The following KIF16B variants were observed in gnomAD, a reference collection of about 807,000 sequenced individuals.
The protein encoded by KIF16B is kinesin family member 16B, also known as kinesin-like protein KIF16B.
A neutral mutation model predicts 156.3 loss-of-function variants in KIF16B; 98 were observed. The observed-to-expected ratio is 0.63, with a 90% CI of 0.53 to 0.74. The LOEUF (loss-of-function observed/expected upper bound fraction) is 0.74. KIF16B is among the 30% of genes least tolerant of loss of function. The pLI is 0.00. For missense variants in KIF16B, 1,421 were observed against 1,606.5 expected, an observed-to-expected ratio of 0.88 and a Z score of 1.97; for synonymous variants, 564 against 583.7, an observed-to-expected ratio of 0.97 and a Z score of 0.49.
intron 17 of KIF16B, chr20:16,381,963 A>G (rs2065106857): frequency 1.2e-6 from 1 of 807,502 alleles, no homozygotes; most frequent in African/African-American, 1.7e-5. Context: ...GGCTGAAAAG[A>G]ACAGATTTTA....
intron 25 of KIF16B, among the ~76,000 whole-genome samples, chr20:16,297,916 C>T (rs747880030): frequency 6.6e-6 from 1 of 152,150 alleles, no homozygotes; most frequent in Admixed American, 6.5e-5. Context: ...CTAGTCACTG[C>T]TCTTCCTGCC....
intron 24 of KIF16B, among the ~76,000 whole-genome samples, chr20:16,328,216 G>A (rs1161486563): frequency 1.3e-5 from 2 of 152,078 alleles, no homozygotes; most frequent in African/African-American, 4.8e-5. Context: ...GTGAACAATT[G>A]CTCTAACACA....
Position 16,312,656 on chromosome 20 carries a change from A to C in KIF16B, c.3712-238T>G, listed in dbSNP as rs2063636841. ...GACAGGACAATGGGAACTCCATGGA[A>C]GAATGAATCTGATTCTCAACATTCT... On this transcript the variant is annotated intron_variant, in intron 24 of 25. Coordinates refer to ENST00000354981, the MANE Select transcript of KIF16B (RefSeq NM_024704.5). Among the ~76,000 whole-genome samples the C allele has an allele frequency of 2.0e-5, 3 of 152,230 alleles. No homozygotes were observed. The South Asian group carries it at 6.2e-4, about 32-fold the overall frequency.
At chr20:16,377,210 G>C (rs542995012) in intron 19 of KIF16B, among the ~76,000 whole-genome samples, 70 of 152,122 alleles carry the variant, frequency 4.6e-4, no homozygotes, top group Admixed American at 1.2e-3. Flanking sequence ...TGCTGTGGGT[G>C]GGGGGAGTAC....
intron 11 of KIF16B, among the ~76,000 whole-genome samples, chr20:16,494,970 T>C (rs935511919): frequency 1.3e-5 from 2 of 152,246 alleles, no homozygotes; most frequent in African/African-American, 4.8e-5. Context: ...GCTCAACCGC[T>C]GAACACAGCA....
In KIF16B at chr20:16,505,720, A is replaced by T. The variant is rs755013919; in HGVS notation, c.1000+2T>A. On this transcript the variant is annotated splice_donor_variant, in intron 9 of 25. Coordinates refer to ENST00000354981, the MANE Select transcript of KIF16B (RefSeq NM_024704.5). LOFTEE classifies it high-confidence loss of function. ...CTCAGAAAAGTAACTTAAAACTCTT[A>T]CTGGCAATCATGATAGTTTTAGAGT... The T allele has an allele frequency of 1.9e-6, 3 of 1,611,452 alleles. No homozygotes were observed. The highest frequency in any genetic ancestry group is 2.7e-5 in the African/African-American group (2 of 74,832).
intron 22 of KIF16B, chr20:16,368,961 A>T: frequency 2.0e-6 from 2 of 985,848 alleles, no homozygotes; most frequent in Non-Finnish European, 2.4e-6. Flanking sequence ...TACTTTCGTT[A>T]AGAAAAGAGA....
chr20:16,288,163 G>A (rs1373846584), intron 25 of KIF16B, among the ~76,000 whole-genome samples: 1 of 152,216 alleles, frequency 6.6e-6, no homozygotes, highest in African/African-American at 2.4e-5. Context: ...GCAGCACCAT[G>A]AGCAGGGATC....
chr20:16,502,767 T>G (rs2068662927), intron 10 of KIF16B, among the ~76,000 whole-genome samples: 1 of 152,168 alleles, frequency 6.6e-6, no homozygotes, highest in Admixed American at 6.5e-5. Context: ...AGATAATATT[T>G]TTACCCTTCA....
At chr20:16,293,622 G>A (rs1213507658) in intron 25 of KIF16B, among the ~76,000 whole-genome samples, 1 of 152,134 alleles carries the variant, frequency 6.6e-6, no homozygotes, top group Non-Finnish European at 1.5e-5. Context: ...TCAAGGGAGA[G>A]CCAAGGATGA....
intron 6 of KIF16B, among the ~76,000 whole-genome samples, chr20:16,510,852 G>T (rs2068935385): frequency 6.6e-6 from 1 of 152,162 alleles, no homozygotes; most frequent in South Asian, 2.1e-4. Context: ...TTATACAGAG[G>T]TGGTAAGATC....
At chr20:16,445,419 C>CGTGTGTGTGT (rs11467171) in intron 12 of KIF16B, among the ~76,000 whole-genome samples, 5,680 of 146,810 alleles carry the variant, frequency 0.039, 133 homozygotes, top group Admixed American at 0.053. Flanking sequence ...CATGTATATA[C>CGTGTGTGTGT]GTGTGTGTGT....
chr20:16,458,023 C>T (rs943887982), intron 12 of KIF16B, among the ~76,000 whole-genome samples: 44 of 152,218 alleles, frequency 2.9e-4, no homozygotes, highest in African/African-American at 1.0e-3. Flanking sequence ...CCTCATGAAG[C>T]CCTTTTACTT....
intron 23 of KIF16B, among the ~76,000 whole-genome samples, chr20:16,349,992 C>T (rs1308110112): frequency 6.6e-6 from 1 of 152,228 alleles, no homozygotes; most frequent in Non-Finnish European, 1.5e-5. Context: ...CCCTGGAACA[C>T]TTCCGTGAGG....
intron 1 of KIF16B, among the ~76,000 whole-genome samples, chr20:16,551,858 A>T (rs906974508): frequency 1.3e-5 from 2 of 152,158 alleles, no homozygotes; most frequent in Non-Finnish European, 2.9e-5. Flanking sequence ...CGACAGCTAC[A>T]GGAGGGCAAA....
chr20:16,330,218 T>A (rs1252245861), intron 24 of KIF16B, among the ~76,000 whole-genome samples: 1 of 152,224 alleles, frequency 6.6e-6, no homozygotes, highest in East Asian at 1.9e-4. Flanking sequence ...CTTACCGCTT[T>A]AATTGGCTCA....
At chr20:16,275,631 A>G (rs2063049597) in intron 25 of KIF16B, among the ~76,000 whole-genome samples, 1 of 152,186 alleles carries the variant, frequency 6.6e-6, no homozygotes, top group African/African-American at 2.4e-5. Context: ...TTCTTGTTCC[A>G]TATCCCTAAC....
chr20:16,327,484 G>A (rs893496510), intron 24 of KIF16B, among the ~76,000 whole-genome samples: 5 of 151,902 alleles, frequency 3.3e-5, no homozygotes, highest in Admixed American at 6.6e-5. Flanking sequence ...CAAGATAGAT[G>A]CAAAAGAGGA....
chr20:16,447,796 A>G (rs942237608), intron 12 of KIF16B, among the ~76,000 whole-genome samples: 3 of 152,146 alleles, frequency 2.0e-5, no homozygotes, highest in Non-Finnish European at 2.9e-5. Flanking sequence ...CCATACCCTG[A>G]GGAGTTTTAT....
Sources: allele counts gnomAD v4.1 joint callset (sites outside exome capture counted in the v4.1 genomes callset), GRCh38; gene constraint gnomAD v4.1.1; transcripts MANE v1.5; gene names NCBI Gene and HGNC (gene_info 2026-07-23, HGNC 2026-07-21).